The following GMDS variants were observed in gnomAD, a reference collection of about 807,000 sequenced individuals.
GMDS encodes GDP-mannose 4,6 dehydratase.
GMDS carries 20 observed loss-of-function variants against 49.9 expected under a neutral mutation model. The observed-to-expected ratio is 0.40, with a 90% CI of 0.28 to 0.58. GMDS has a LOEUF of 0.58. GMDS is among the 20% of genes least tolerant of loss of function. GMDS has a pLI of 0.42. For missense variants in GMDS, 362 were observed against 481.4 expected, an observed-to-expected ratio of 0.75 and a Z score of 2.32; for synonymous variants, 177 against 178.6, an observed-to-expected ratio of 0.99 and a Z score of 0.07.
At chr6:1,873,282 T>C (rs1386028814) in intron 7 of GMDS, among the ~76,000 whole-genome samples, 1 of 152,216 alleles carries the variant, frequency 6.6e-6, no homozygotes, top group Non-Finnish European at 1.5e-5. Flanking sequence ...TGTCAGACGG[T>C]GTTTGCATTT....
chr6:1,624,484 C>G lies in GMDS; in HGVS notation c.1044G>C (p.Arg348=), dbSNP rs1209133560. The G allele has an allele frequency of 6.2e-7, 1 of 1,613,630 alleles. No homozygotes were observed. Among genetic ancestry groups the G allele is most frequent in the Non-Finnish European group, 8.5e-7 (1 of 1,179,708 alleles). The part of the protein sequence containing the change: ...KAKQKLNWKP[R]VAFDELVREM... ...AAGAGATACTCACATCGAAAGCGAC[C>G]CGGGGCTTCCAGTTCAGCTTCTGTT... Residue 348 remains arginine (R), a synonymous_variant, in exon 10 of 11, where the codon CGG becomes CGC. Coordinates refer to ENST00000380815, the MANE Select transcript of GMDS (RefSeq NM_001500.4).
At chr6:2,035,810 C>A (rs1445584465) in intron 4 of GMDS, among the ~76,000 whole-genome samples, 1 of 152,092 alleles carries the variant, frequency 6.6e-6, no homozygotes, top group South Asian at 2.1e-4. Context: ...CCTCAGCCTC[C>A]TGAGCAGCTA....
chr6:1,767,078 A>G (rs1007624282), intron 7 of GMDS, among the ~76,000 whole-genome samples: 1 of 152,248 alleles, frequency 6.6e-6, no homozygotes, highest in Non-Finnish European at 1.5e-5. Flanking sequence ...AGATTTGTTT[A>G]TAATACAGAT....
intron 7 of GMDS, among the ~76,000 whole-genome samples, chr6:1,885,261 C>T (rs1399890036): frequency 1.3e-5 from 2 of 152,094 alleles, no homozygotes; most frequent in Admixed American, 6.5e-5. Flanking sequence ...TAGTTATCTC[C>T]ATGTTACAGA....
rs915981210 is a variant in GMDS at position 1,778,480 on chromosome 6, G to A, written c.772-35894C>T. On this transcript the variant is annotated intron_variant, in intron 7 of 10. Transcript: ENST00000380815. The surrounding 1 kb of genome is among the most constrained non-coding windows in gnomAD (Gnocchi z 4.6). ...CAAGGAACTGTGGAATTCAAGAGGAGGGGGCAGCCTTCCTGACCTGGAACT... is the reference window on the plus strand; with the variant it reads ...CAAGGAACTGTGGAATTCAAGAGGAAGGGGCAGCCTTCCTGACCTGGAACT... Among the ~76,000 whole-genome samples, 3 of 151,968 alleles carry A rather than the reference G, an allele frequency of 2.0e-5. No homozygotes were observed. Among genetic ancestry groups the A allele is most frequent in the African/African-American group, 4.8e-5 (2 of 41,420 alleles).
intron 9 of GMDS, among the ~76,000 whole-genome samples, chr6:1,702,857 T>C (rs1765589822): frequency 6.6e-6 from 1 of 152,176 alleles, no homozygotes; most frequent in Non-Finnish European, 1.5e-5. Context: ...GAAAGATAAC[T>C]TCGGCTCTGT....
intron 6 of GMDS, chr6:1,952,121 T>C (rs969143724): frequency 6.1e-6 from 2 of 327,932 alleles, no homozygotes; most frequent in Admixed American, 6.5e-5. Context: ...TGCTTCTGTT[T>C]CCTCATTGCT....
At chr6:2,204,406 C>G (rs1296950170) in intron 1 of GMDS, among the ~76,000 whole-genome samples, 1 of 152,156 alleles carries the variant, frequency 6.6e-6, no homozygotes, top group Non-Finnish European at 1.5e-5. Context: ...TACCCTTTCA[C>G]TCATTCAACT....
intron 6 of GMDS, among the ~76,000 whole-genome samples, chr6:1,947,922 T>C (rs1024502692): frequency 3.9e-5 from 6 of 152,244 alleles, no homozygotes; most frequent in Admixed American, 6.5e-5. Context: ...TGTTCCTTTA[T>C]GCATTTTCCC....
intron 9 of GMDS, among the ~76,000 whole-genome samples, chr6:1,661,728 G>C (rs2814808): frequency 0.41 from 62,345 of 152,152 alleles, 13,451 homozygotes; most frequent in East Asian, 0.6. Flanking sequence ...GTCTGACAGA[G>C]AGCGAGTGAG....
At chr6:1,893,580 C>G (rs149030123) in intron 7 of GMDS, among the ~76,000 whole-genome samples, 1 of 152,306 alleles carries the variant, frequency 6.6e-6, no homozygotes, top group East Asian at 1.9e-4. Flanking sequence ...AAATTGAATC[C>G]TGTTTTCCAA....
At chr6:1,940,867 A>G (rs1561908643) in intron 6 of GMDS, among the ~76,000 whole-genome samples, 1 of 152,204 alleles carries the variant, frequency 6.6e-6, no homozygotes, top group South Asian at 2.1e-4. Flanking sequence ...TTAAGGAGGA[A>G]TAAGTCCTTT....
Position 1,841,699 on chromosome 6 carries a change from G to A in GMDS, c.771+88404C>T, listed in dbSNP as rs115721406. On this transcript the variant is annotated intron_variant, in intron 7 of 10. Transcript: ENST00000380815. ...CTATAGAAATTGTCTCTCTGTACAG[G>A]TACAGGTAGGTGGTGTTCATGTGTA... is the stretch of plus-strand genomic sequence containing the variant. Among the ~76,000 whole-genome samples, 710 of 152,226 alleles carry A rather than the reference G, an allele frequency of 4.7e-3. 4 individuals carry two copies. The highest frequency in any genetic ancestry group is 0.016 in the African/African-American group (669 of 41,548).
intron 4 of GMDS, among the ~76,000 whole-genome samples, chr6:2,001,942 A>C (rs1766843488): frequency 6.6e-6 from 1 of 152,122 alleles, no homozygotes; most frequent in East Asian, 1.9e-4. Flanking sequence ...AAATACATTC[A>C]CTATTTGCCA....
At chr6:2,015,739 T>G (rs1259958209) in intron 4 of GMDS, among the ~76,000 whole-genome samples, 1 of 152,134 alleles carries the variant, frequency 6.6e-6, no homozygotes. Flanking sequence ...GGAACACACG[T>G]TTGTTCATGT....
intron 4 of GMDS, among the ~76,000 whole-genome samples, chr6:2,087,767 T>C (rs533653362): frequency 6.6e-6 from 1 of 152,326 alleles, no homozygotes; most frequent in South Asian, 2.1e-4. Flanking sequence ...CCTAACACAG[T>C]GTGCCTATTT....
intron 7 of GMDS, among the ~76,000 whole-genome samples, chr6:1,788,712 T>C (rs1309984541): frequency 4.6e-5 from 7 of 152,258 alleles, no homozygotes; most frequent in South Asian, 2.1e-4. Context: ...GCTCAAATGC[T>C]GTTAATGGAA....
intron 7 of GMDS, among the ~76,000 whole-genome samples, chr6:1,789,903 G>T (rs1425322258): frequency 6.6e-6 from 1 of 152,098 alleles, no homozygotes; most frequent in African/African-American, 2.4e-5. Flanking sequence ...AGCATTTAAA[G>T]AAGTGGCATA....
chr6:2,076,874 C>G (rs149270754), intron 4 of GMDS, among the ~76,000 whole-genome samples: 7,304 of 152,228 alleles, frequency 0.048, 275 homozygotes, highest in Non-Finnish European at 0.069. Flanking sequence ...GTCTAAAACA[C>G]CAAAAGCAAT....
Sources: gnomAD v4.1 joint callset for allele counts (sites outside exome capture counted in the v4.1 genomes callset) on GRCh38, gnomAD v4.1.1 for gene constraint, Gnocchi (gnomAD v3.1) non-coding constraint, MANE v1.5 for transcripts, NCBI Gene and HGNC (gene_info 2026-07-23, HGNC 2026-07-21) for gene names.